Variants in ST7L observed in about 807,000 individuals in gnomAD.
The protein encoded by ST7L is suppression of tumorigenicity 7 like, also known as suppressor of tumorigenicity 7 protein-like.
A neutral mutation model predicts 72.5 loss-of-function variants in ST7L; 57 were observed. The observed-to-expected ratio is 0.79, with a 90% confidence interval of 0.64 to 0.98. The LOEUF (loss-of-function observed/expected upper bound fraction) is 0.98, where lower values mean the gene tolerates loss of function less well. ST7L is among the 50% of genes least tolerant of loss of function. The pLI is 0.00. For synonymous variants in ST7L, 221 were observed against 240.9 expected, an observed-to-expected ratio of 0.92 and a Z score of 0.77; for missense variants, 576 against 672.2, an observed-to-expected ratio of 0.86 and a Z score of 1.58.
At chr1:112,530,315 T>C (rs1654169598) in intron 14 of ST7L, 1 of 152,232 alleles carries the variant, frequency 6.6e-6, no homozygotes, top group South Asian at 2.1e-4. Flanking sequence ...GGGCCTGCTC[T>C]TCTACCATTT....
At chr1:112,555,800 A>G (rs1211224922) in intron 12 of ST7L, 68 bp downstream of exon 12, 3 of 1,344,986 alleles carry the variant, frequency 2.2e-6, no homozygotes, top group Admixed American at 5.3e-5. Flanking sequence ...ATCTCATTTA[A>G]AAAGACTGCC....
At chr1:112,587,609 A>G (rs773514079) in intron 6 of ST7L, among the ~76,000 whole-genome samples, 11 of 152,240 alleles carry the variant, frequency 7.2e-5, no homozygotes, top group Non-Finnish European at 1.3e-4. Context: ...GTCTCAGAAC[A>G]AAACAAAACA....
chr1:112,525,896 C>G lies in ST7L; in HGVS notation c.*117G>C. 1 of 1,382,628 alleles carries G rather than the reference C, an allele frequency of 7.2e-7. No homozygotes were observed. The highest frequency in any genetic ancestry group is 1.4e-5 in the African/African-American group (1 of 69,470). 85.6% of individuals were successfully genotyped at this position (1,382,628 alleles called of 1,614,324 possible). A position where few individuals can be genotyped will look rare whatever the true frequency, so the allele number is the denominator to read the frequency against. Reference sequence around the variant, plus strand: ...AAGAAGCTTTTTCATATGCAAAATGCTTTAGCATATATGTAATCCTCACAA... The same window carrying G: ...AAGAAGCTTTTTCATATGCAAAATGGTTTAGCATATATGTAATCCTCACAA... On this transcript the variant is annotated 3_prime_UTR_variant, in exon 15 of 15. Coordinates refer to ENST00000358039, the MANE Select transcript of ST7L (RefSeq NM_017744.5).
intron 14 of ST7L, among the ~76,000 whole-genome samples, chr1:112,536,130 C>A (rs1486642303): frequency 6.6e-6 from 1 of 152,132 alleles, no homozygotes; most frequent in African/African-American, 2.4e-5. Flanking sequence ...GAATATTTTA[C>A]AGAAATGTAA....
At chr1:112,577,218 C>T in intron 10 of ST7L, 130 bp from the exon 11 acceptor site, 1 of 411,108 alleles carries the variant, frequency 2.4e-6, no homozygotes, top group South Asian at 6.0e-5. Context: ...AGCCAGAGGA[C>T]TAACAAAAAA....
At chr1:112,523,341 A>AG (rs1383555722), downstream of ST7L, 11 of 152,234 alleles carry the variant, frequency 7.2e-5, no homozygotes, top group African/African-American at 2.4e-4. Context: ...GTTTGAAAAG[A>AG]GAGGTGCATA....
chr1:112,586,746 G>A (rs1664926491), intron 6 of ST7L, among the ~76,000 whole-genome samples: 2 of 152,180 alleles, frequency 1.3e-5, no homozygotes, highest in Non-Finnish European at 2.9e-5. Flanking sequence ...TTTGAAGAAT[G>A]TTGGTTTTTT....
At position 112,541,698 on chromosome 1, in the gene ST7L, A is replaced by G. The variant is rs115886692; in HGVS notation, c.1629+253T>C. ...TGCTGTTTATCACCAAAAGTGATCT[A>G]TAAGAGCAAACTTTATAATGTTATA... On this transcript the variant is annotated intron_variant, in intron 14 of 14. Coordinates refer to ENST00000358039, the MANE Select transcript of ST7L (RefSeq NM_017744.5). The G allele has an allele frequency of 3.4e-4, 315 of 929,648 alleles. 1 individual carries two copies. The African/African-American group carries it at 4.9e-3, about 15-fold the overall frequency. 57.6% of individuals were successfully genotyped at this position (929,648 alleles called of 1,614,324 possible). A position where few individuals can be genotyped will look rare whatever the true frequency, so the allele number is the denominator to read the frequency against.
At chr1:112,584,430 G>A (rs1664583073) in intron 6 of ST7L, among the ~76,000 whole-genome samples, 1 of 151,096 alleles carries the variant, frequency 6.6e-6, no homozygotes, top group Non-Finnish European at 1.5e-5. Flanking sequence ...TTTTGTGAAA[G>A]GGGGGAGAAA....
intron 13 of ST7L, among the ~76,000 whole-genome samples, chr1:112,549,213 C>T (rs1483256203): frequency 2.0e-5 from 3 of 151,916 alleles, no homozygotes; most frequent in Admixed American, 6.6e-5. Flanking sequence ...GGCAACATGG[C>T]GAAACCCTGT....
chr1:112,567,797 T>C (rs1661287088), intron 11 of ST7L, among the ~76,000 whole-genome samples: 2 of 152,124 alleles, frequency 1.3e-5, no homozygotes, highest in African/African-American at 2.4e-5. Context: ...ACAGTATATA[T>C]GTGGATCCAT....
At chr1:112,569,223 C>G (rs548340860) in intron 11 of ST7L, among the ~76,000 whole-genome samples, 1 of 152,238 alleles carries the variant, frequency 6.6e-6, no homozygotes, top group Admixed American at 6.5e-5. Flanking sequence ...TAGGTGTATA[C>G]TTGAGAGAAT....
Position 112,599,073 on chromosome 1 carries a change from A to AAAAAAAAATATAT in ST7L, c.507-988_507-987insATATATTTTTTTT, listed in dbSNP as rs1190968815. ...AGACTCAGCCTCAAAAAAAAAAAAA[A>AAAAAAAAATATAT]ATATATATATATATATATATATATA... On this transcript the variant is annotated intron_variant, in intron 4 of 14. Transcript: ENST00000358039. 2.3e-3 allele frequency among the ~76,000 whole-genome samples: 131 copies of AAAAAAAAATATAT among 56,964 alleles called. 3 individuals are homozygous for AAAAAAAAATATAT. The highest frequency in any genetic ancestry group is 3.2e-3 in the Non-Finnish European group (103 of 32,392). 37.4% of individuals were successfully genotyped at this position (56,964 alleles called of 152,430 possible).
intron 11 of ST7L, chr1:112,571,429 TTTTA>T (rs747502365): frequency 7.8e-5 from 25 of 321,214 alleles, no homozygotes; most frequent in East Asian, 2.1e-4. Context: ...ATCTATATAG[TTTTA>T]TTTATTTATT....
intron 1 of ST7L, chr1:112,618,452 G>T: frequency 4.9e-6 from 1 of 202,188 alleles, no homozygotes; most frequent in Non-Finnish European, 9.0e-6. Flanking sequence ...TTAAAATCAT[G>T]CCATTTTCTT....
chr1:112,590,303 A>G (rs1043631027), intron 6 of ST7L, among the ~76,000 whole-genome samples: 2 of 152,118 alleles, frequency 1.3e-5, no homozygotes, highest in Non-Finnish European at 2.9e-5. Context: ...TGAGCTAGGG[A>G]GTGAGGGATG....
chr1:112,535,403 G>T (rs200285205), intron 14 of ST7L, among the ~76,000 whole-genome samples: 10,923 of 145,494 alleles, frequency 0.075, 715 homozygotes, highest in East Asian at 0.34. Context: ...ATAAGAAGAA[G>T]AAGAAGAAGA....
At chr1:112,581,320 T>C (rs891156756) in intron 9 of ST7L, among the ~76,000 whole-genome samples, 6 of 152,118 alleles carry the variant, frequency 3.9e-5, no homozygotes, top group Admixed American at 6.5e-5. Context: ...CATGCTGTCT[T>C]CAATGTAACT....
At chr1:112,542,187 AG>A (rs1240621340) in intron 13 of ST7L, 97 bp from the exon 14 acceptor site, 1 of 1,281,944 alleles carries the variant, frequency 7.8e-7, no homozygotes, top group African/African-American at 1.5e-5. Context: ...AAAATTAAAA[AG>A]AAAAAAAATT....
Sources: allele counts gnomAD v4.1 joint callset (sites outside exome capture counted in the v4.1 genomes callset), GRCh38; gene constraint gnomAD v4.1.1; transcripts MANE v1.5; gene names NCBI Gene and HGNC (gene_info 2026-07-23, HGNC 2026-07-21).